Variants in TADA2A observed in about 807,000 individuals in gnomAD.
The protein encoded by TADA2A is transcriptional adapter 2-alpha.
TADA2A carries 38 observed loss-of-function variants against 67.4 expected under a neutral mutation model. That is an observed-to-expected ratio of 0.56 (90% CI 0.44 to 0.74). The LOEUF (loss-of-function observed/expected upper bound fraction) is 0.74, where lower values mean the gene tolerates loss of function less well. TADA2A is among the 30% of genes least tolerant of loss of function. TADA2A has a pLI of 0.00. For synonymous variants in TADA2A, 192 were observed against 181.6 expected, an observed-to-expected ratio of 1.06 and a Z score of -0.46; for missense variants, 454 against 547.0, an observed-to-expected ratio of 0.83 and a Z score of 1.70.
intron 8 of TADA2A, among the ~76,000 whole-genome samples, chr17:37,447,356 T>C (rs1488369478): frequency 2.6e-5 from 4 of 152,168 alleles, no homozygotes; most frequent in Admixed American, 6.6e-5. Flanking sequence ...GGTTTTGCCA[T>C]GTTTGCAAGG....
chr17:37,410,349 T>C (rs1298058782), intron 1 of TADA2A, among the ~76,000 whole-genome samples: 2 of 151,782 alleles, frequency 1.3e-5, no homozygotes, highest in East Asian at 3.9e-4. Flanking sequence ...ACTTTTTTTT[T>C]TTTTTTTTAA....
At position 37,473,127 on chromosome 17, in the gene TADA2A, A is replaced by ATTT. The variant is rs1020173351; in HGVS notation, c.1073-1406_1073-1404dup. Among the ~76,000 whole-genome samples the ATTT allele has an allele frequency of 3.3e-3, 280 of 85,582 alleles. 3 individuals are homozygous for ATTT. The highest frequency in any genetic ancestry group is 6.5e-3 in the Admixed American group (40 of 6,154). The allele number at this position is 85,582 out of a possible 152,430, so 56.1% of individuals were successfully genotyped here. A position where few individuals can be genotyped will look rare whatever the true frequency, so the allele number is the denominator to read the frequency against. On this transcript the variant is annotated intron_variant, in intron 14 of 15. Transcript: ENST00000615182. ...GGTGAATGCCACCAAACCTGGAGAA[A>ATTT]TTTTTTTTTTTTTTTTTTTTTTTTT... is the stretch of plus-strand genomic sequence containing the variant.
At chr17:37,467,746 G>GTGCT (rs2053697099) in intron 12 of TADA2A, among the ~76,000 whole-genome samples, 1 of 152,194 alleles carries the variant, frequency 6.6e-6, no homozygotes, top group African/African-American at 2.4e-5. Context: ...GGAAAGAGAG[G>GTGCT]TGCTGCTTTA....
At chr17:37,408,166 C>T (rs751607536) in intron 1 of TADA2A, among the ~76,000 whole-genome samples, 6 of 152,156 alleles carry the variant, frequency 3.9e-5, no homozygotes, top group Non-Finnish European at 8.8e-5. Flanking sequence ...AGATTACAGG[C>T]GTGAGCCACC....
At position 37,444,759 on chromosome 17, in the gene TADA2A, AT is replaced by A; in HGVS notation, c.599del (p.Leu200TyrfsTer4). On this transcript the variant is annotated frameshift_variant, in exon 8 of 16. Coordinates refer to ENST00000615182, the MANE Select transcript of TADA2A (RefSeq NM_001166105.3). LOFTEE classifies it high-confidence loss of function. Reference sequence around the variant, plus strand: ...TGATTTTGTTGAAGATGACTCGGACATTTTACATGGTAACAGTTTATTTTGT... The same window carrying A: ...TGATTTTGTTGAAGATGACTCGGACATTTACATGGTAACAGTTTATTTTGT... The part of the protein sequence containing the change: ...DIDFVEDDSD[I>X]LHALKMAVVD... 1 of 1,614,036 alleles carries A rather than the reference AT, an allele frequency of 6.2e-7. No individual in the cohort carries two copies. Among genetic ancestry groups the A allele is most frequent in the Non-Finnish European group, 8.5e-7 (1 of 1,179,910 alleles).
intron 8 of TADA2A, among the ~76,000 whole-genome samples, chr17:37,449,849 T>G (rs1377367595): frequency 1.3e-5 from 2 of 152,180 alleles, no homozygotes; most frequent in Non-Finnish European, 2.9e-5. Context: ...CCTTGAATGT[T>G]TGTTGCTGTT....
chr17:37,440,536 AC>A lies in TADA2A; in HGVS notation c.318del (p.Lys107ArgfsTer9), dbSNP rs1376723709. On this transcript the variant is annotated frameshift_variant, in exon 6 of 16. Transcript: ENST00000615182. LOFTEE classifies it high-confidence loss of function. ...QDVANQMCTK[T>X]KEECEKHYMK... Reference sequence around the variant, plus strand: ...TGTAGCCAATCAAATGTGCACCAAGACCAAGGAGGAGTGTGAGAAGCACTAT... The same window carrying A: ...TGTAGCCAATCAAATGTGCACCAAGACAAGGAGGAGTGTGAGAAGCACTAT... 9 of 1,614,022 alleles carry A rather than the reference AC, an allele frequency of 5.6e-6. No individual in the cohort carries two copies. The highest frequency in any genetic ancestry group is 1.3e-5 in the African/African-American group (1 of 74,908).
chr17:37,457,161 A>G (rs1452207296), intron 8 of TADA2A, among the ~76,000 whole-genome samples: 3 of 148,636 alleles, frequency 2.0e-5, no homozygotes, highest in African/African-American at 7.4e-5. Context: ...TGCAGTTATG[A>G]CCACAATCAT....
chr17:37,453,292 C>T (rs1362275582), intron 8 of TADA2A, among the ~76,000 whole-genome samples: 1 of 152,192 alleles, frequency 6.6e-6, no homozygotes, highest in African/African-American at 2.4e-5. Flanking sequence ...ATTAACAGTG[C>T]ATCAGCATTG....
rs1450149972 is a variant in TADA2A at position 37,479,105 on chromosome 17, G to A, written c.*2123G>A. ...AGAGTCCTTAACCTTGATTAAGGAA[G>A]GCTTCCTGGGAGAGGTGGGCTTTTG... On this transcript the variant is annotated 3_prime_UTR_variant, in exon 16 of 16. Transcript: ENST00000615182. 6.6e-6 allele frequency: 1 copy of A among 152,218 alleles called. No individual in the cohort carries two copies. Among genetic ancestry groups the A allele is most frequent in the Non-Finnish European group, 1.5e-5 (1 of 68,044 alleles). 9.4% of individuals were successfully genotyped at this position (152,218 alleles called of 1,614,324 possible). A position where few individuals can be genotyped will look rare whatever the true frequency, so the allele number is the denominator to read the frequency against.
At position 37,411,309 on chromosome 17, in the gene TADA2A, A is replaced by G; in HGVS notation, c.-57A>G. ...TGGTGTATGTGTTGGCCGGTTCTGA[A>G]GTCTTGAAGAAGCTCTGCTGAGGAA... On this transcript the variant is annotated 5_prime_UTR_variant, in exon 2 of 16. Transcript: ENST00000615182. 6.3e-7 allele frequency: 1 copy of G among 1,590,550 alleles called. No homozygotes were observed. The highest frequency in any genetic ancestry group is 1.7e-5 in the Admixed American group (1 of 59,900).
At chr17:37,425,176 G>C (rs374195757) in intron 3 of TADA2A, among the ~76,000 whole-genome samples, 1 of 152,132 alleles carries the variant, frequency 6.6e-6, no homozygotes, top group African/African-American at 2.4e-5. Context: ...TACCACGCCC[G>C]GCCATAACAC....
At position 37,452,132 on chromosome 17, in the gene TADA2A, G is replaced by A. The variant is rs577418664; in HGVS notation, c.605-6392G>A. 1.1e-4 allele frequency among the ~76,000 whole-genome samples: 17 copies of A among 151,800 alleles called. No individual in the cohort carries two copies. In the East Asian group the frequency reaches 2.2e-3, roughly 19 times the overall value. Reference sequence around the variant, plus strand: ...AAGATCTTGAAATATGGCCAGGCGCGATGGCTCACACCTGTATTCCCAGCA... The same window carrying A: ...AAGATCTTGAAATATGGCCAGGCGCAATGGCTCACACCTGTATTCCCAGCA... On this transcript the variant is annotated intron_variant, in intron 8 of 15. Transcript: ENST00000615182.
At chr17:37,454,113 C>G (rs1055734209) in intron 8 of TADA2A, 3 of 151,944 alleles carry the variant, frequency 2.0e-5, no homozygotes, top group Admixed American at 6.6e-5. Context: ...TTCTTTGTTA[C>G]AAAGGTTGGT....
At position 37,471,131 on chromosome 17, in the gene TADA2A, A is replaced by T. The variant is rs1193641091; in HGVS notation, c.1066A>T (p.Asn356Tyr). 1 of 1,613,932 alleles carries T rather than the reference A, an allele frequency of 6.2e-7. No homozygotes were observed. Among genetic ancestry groups the T allele is most frequent in the African/African-American group, 1.3e-5 (1 of 74,898 alleles). The change falls in exon 14 of 16, where the codon AAT becomes TAT. Residue 356 changes from asparagine (N) to tyrosine (Y), a missense_variant. Asn to Tyr is a moderately radical substitution (Grantham distance 143, BLOSUM62 -2). Coordinates refer to ENST00000615182, the MANE Select transcript of TADA2A (RefSeq NM_001166105.3). ...GLSPSIPMAS[N>Y]SGRRSAPPLN... Reference sequence around the variant, plus strand: ...GAGTCCTTCCATTCCAATGGCTTCGAATTCAGGTAATTATTTCTCAGGCCA... The same window carrying T: ...GAGTCCTTCCATTCCAATGGCTTCGTATTCAGGTAATTATTTCTCAGGCCA...
At chr17:37,443,605 CAG>C (rs373284147) in intron 7 of TADA2A, among the ~76,000 whole-genome samples, 17 of 152,218 alleles carry the variant, frequency 1.1e-4, no homozygotes, top group African/African-American at 4.1e-4. Context: ...TGTACTGTAT[CAG>C]GGGTTGACAA....
intron 4 of TADA2A, among the ~76,000 whole-genome samples, chr17:37,432,546 T>C (rs1846780150): frequency 6.6e-6 from 1 of 152,224 alleles, no homozygotes; most frequent in Non-Finnish European, 1.5e-5. Context: ...TTTTAATTAC[T>C]GAGTAATATT....
At chr17:37,419,771 A>G (rs1342594618) in intron 2 of TADA2A, among the ~76,000 whole-genome samples, 25 of 90,622 alleles carry the variant, frequency 2.8e-4, no homozygotes, top group Non-Finnish European at 5.1e-4. Context: ...AGAGTGAGAC[A>G]CTGTCTCAAA....
intron 2 of TADA2A, among the ~76,000 whole-genome samples, chr17:37,419,648 C>T (rs1392380846): frequency 2.1e-5 from 3 of 145,440 alleles, no homozygotes; most frequent in African/African-American, 5.0e-5. Context: ...GTGTAGTGCA[C>T]ATACATGTAA....
Sources: gnomAD v4.1 joint callset for allele counts (sites outside exome capture counted in the v4.1 genomes callset) on GRCh38, gnomAD v4.1.1 for gene constraint, MANE v1.5 for transcripts, NCBI Gene and HGNC (gene_info 2026-07-23, HGNC 2026-07-21) for gene names.